Variants in PLCB4 observed in about 807,000 individuals in gnomAD.
The protein encoded by PLCB4 is 1-phosphatidylinositol 4,5-bisphosphate phosphodiesterase beta-4.
A neutral mutation model predicts 178.8 loss-of-function variants in PLCB4; 77 were observed. The observed-to-expected ratio is 0.43, with a 90% CI of 0.36 to 0.52. PLCB4 has a LOEUF of 0.52. PLCB4 is among the 20% of genes least tolerant of loss of function. The pLI, the probability that PLCB4 is intolerant of heterozygous loss-of-function variation, is 0.00. For missense variants in PLCB4, 1,024 were observed against 1,453.4 expected (o/e 0.70, Z 4.80); for synonymous variants, 496 against 490.8 (o/e 1.01, Z -0.14).
chr20:9,194,031 A>G (rs1487444899), intron 2 of PLCB4, among the ~76,000 whole-genome samples: 1 of 151,880 alleles, frequency 6.6e-6, no homozygotes, highest in East Asian at 1.9e-4. Flanking sequence ...GGAAGCTATC[A>G]CTCTTTTTAT....
At chr20:9,167,386 C>T (rs1217298021) in intron 2 of PLCB4, among the ~76,000 whole-genome samples, 1 of 151,952 alleles carries the variant, frequency 6.6e-6, no homozygotes, top group Non-Finnish European at 1.5e-5. Flanking sequence ...ATTCATTTTT[C>T]TTTTTCATAA....
At chr20:9,356,581 G>C (rs1299305428) in intron 7 of PLCB4, among the ~76,000 whole-genome samples, 2 of 152,152 alleles carry the variant, frequency 1.3e-5, no homozygotes, top group African/African-American at 4.8e-5. Context: ...AGATCCTGTG[G>C]CAATCTTTAT....
intron 28 of PLCB4, among the ~76,000 whole-genome samples, chr20:9,424,526 G>T (rs542563243): frequency 6.6e-5 from 10 of 152,224 alleles, no homozygotes; most frequent in African/African-American, 2.2e-4. Context: ...TACATTAAAA[G>T]AAAGCAAAGA....
At chr20:9,102,575 T>G (rs2091197899) in intron 2 of PLCB4, among the ~76,000 whole-genome samples, 2 of 152,212 alleles carry the variant, frequency 1.3e-5, no homozygotes, top group Non-Finnish European at 2.9e-5. Context: ...ACTGTATACC[T>G]GTAAGGTTAT....
chr20:9,350,978 A>T (rs1198937704), intron 7 of PLCB4, among the ~76,000 whole-genome samples: 4 of 152,216 alleles, frequency 2.6e-5, no homozygotes. Flanking sequence ...TAAGATCATT[A>T]TCTGTGGGAG....
At chr20:9,292,087 T>C (rs1032807403) in intron 3 of PLCB4, among the ~76,000 whole-genome samples, 186 of 152,308 alleles carry the variant, frequency 1.2e-3, no homozygotes, top group African/African-American at 4.3e-3. Flanking sequence ...CTCCAGTCCT[T>C]GAATTTATGC....
Position 9,296,335 on chromosome 20 carries a change from C to T in PLCB4, c.-15-11465C>T, listed in dbSNP as rs530221980. Among the ~76,000 whole-genome samples, 7 of 152,208 alleles carry T rather than the reference C, an allele frequency of 4.6e-5. No individual in the cohort carries two copies. The South Asian group carries it at 1.2e-3, about 27-fold the overall frequency. ...TACCATCTCACACCAGTTAGAATGGCGACCATTAAAAAGTCAGGAAACAAC... is the reference window on the plus strand; with the variant it reads ...TACCATCTCACACCAGTTAGAATGGTGACCATTAAAAAGTCAGGAAACAAC... On this transcript the variant is annotated intron_variant, in intron 3 of 39. Transcript: ENST00000378473.
At chr20:9,377,633 G>C (rs1023082994) in intron 12 of PLCB4, among the ~76,000 whole-genome samples, 1 of 152,134 alleles carries the variant, frequency 6.6e-6, no homozygotes, top group Admixed American at 6.5e-5. Flanking sequence ...ATGCTTATTT[G>C]CTGCGAATGT....
chr20:9,112,172 T>G (rs1040289387), intron 2 of PLCB4, among the ~76,000 whole-genome samples: 1 of 152,180 alleles, frequency 6.6e-6, no homozygotes, highest in East Asian at 1.9e-4. Context: ...GTTAAGAATC[T>G]GAAGAGAAGG....
chr20:9,097,347 G>T (rs1013610870), intron 2 of PLCB4, among the ~76,000 whole-genome samples: 1 of 150,204 alleles, frequency 6.7e-6, no homozygotes, highest in Non-Finnish European at 1.5e-5. Context: ...AGAGCCATGC[G>T]TTCAGGGAGT....
intron 3 of PLCB4, among the ~76,000 whole-genome samples, chr20:9,225,720 T>C (rs1251018998): frequency 6.6e-6 from 1 of 152,226 alleles, no homozygotes; most frequent in East Asian, 1.9e-4. Flanking sequence ...ATATGGATTT[T>C]TTCCCCTGCA....
intron 4 of PLCB4, among the ~76,000 whole-genome samples, chr20:9,328,647 T>C (rs2031122321): frequency 6.6e-6 from 1 of 152,188 alleles, no homozygotes; most frequent in Non-Finnish European, 1.5e-5. Context: ...ACACTGTCAG[T>C]CTTTCATGTG....
chr20:9,248,753 G>A (rs1407156163), intron 3 of PLCB4, among the ~76,000 whole-genome samples: 1 of 152,068 alleles, frequency 6.6e-6, no homozygotes. Context: ...TCAACTTCAA[G>A]GCAGGTTCCT....
intron 7 of PLCB4, among the ~76,000 whole-genome samples, chr20:9,349,284 G>A (rs1457137157): frequency 1.3e-5 from 2 of 151,922 alleles, no homozygotes; most frequent in Non-Finnish European, 2.9e-5. Flanking sequence ...CCCAATAAGC[G>A]GGTTCCTCCC....
chr20:9,135,142 T>C (rs1461243203), intron 2 of PLCB4, among the ~76,000 whole-genome samples: 1 of 152,138 alleles, frequency 6.6e-6, no homozygotes, highest in African/African-American at 2.4e-5. Context: ...TCCCAACTTC[T>C]GCACAATGTG....
chr20:9,229,265 A>G (rs955080114), intron 3 of PLCB4, among the ~76,000 whole-genome samples: 18 of 152,298 alleles, frequency 1.2e-4, no homozygotes, highest in African/African-American at 4.1e-4. Context: ...GACTAGCAAC[A>G]CTAAAATCTC....
rs1042552109 is a variant in PLCB4 at position 9,480,168 on chromosome 20, A to C, written c.*1159A>C. 3 of 152,640 alleles carry C rather than the reference A, an allele frequency of 2.0e-5. No homozygotes were observed. The highest frequency in any genetic ancestry group is 7.2e-5 in the African/African-American group (3 of 41,450). The allele number at this position is 152,640 out of a possible 1,614,324, so 9.5% of individuals were successfully genotyped here. A position where few individuals can be genotyped will look rare whatever the true frequency, so the allele number is the denominator to read the frequency against. ...GACCTTTTTATGTCTGTTAAATATC[A>C]AAACAATTTGCTACAGTGTTAATCT... On this transcript the variant is annotated 3_prime_UTR_variant, in exon 40 of 40. Coordinates refer to ENST00000378473, the MANE Select transcript of PLCB4 (RefSeq NM_001377142.1).
At chr20:9,407,865 G>C in intron 21 of PLCB4, 52 bp from the exon 22 acceptor site, 5 of 1,511,018 alleles carry the variant, frequency 3.3e-6, no homozygotes, top group East Asian at 2.3e-5. Flanking sequence ...GCACGTATCC[G>C]TGGGTCCTAC....
At chr20:9,192,594 C>A (rs2093419679) in intron 2 of PLCB4, among the ~76,000 whole-genome samples, 1 of 146,438 alleles carries the variant, frequency 6.8e-6, no homozygotes, top group South Asian at 2.2e-4. Context: ...GGTGTGATCA[C>A]CGTTCACTGT....
Sources: allele counts gnomAD v4.1 joint callset (sites outside exome capture counted in the v4.1 genomes callset), GRCh38; gene constraint gnomAD v4.1.1; transcripts MANE v1.5; gene names NCBI Gene and HGNC (gene_info 2026-07-23, HGNC 2026-07-21).